Variants in ARHGAP44 observed in about 807,000 individuals in gnomAD.
The protein encoded by ARHGAP44 is Rho GTPase activating protein 44.
ARHGAP44 carries 43 observed loss-of-function variants against 106.8 expected under a neutral mutation model. That is an observed-to-expected ratio of 0.40 (90% CI 0.32 to 0.52). The LOEUF (loss-of-function observed/expected upper bound fraction) is 0.52. ARHGAP44 is among the 20% of genes least tolerant of loss of function. ARHGAP44 has a pLI of 0.48. For missense variants in ARHGAP44, 866 were observed against 1,050.5 expected (o/e 0.82, Z 2.43); for synonymous variants, 439 against 410.3 (o/e 1.07, Z -0.85).
intron 1 of ARHGAP44, among the ~76,000 whole-genome samples, chr17:12,857,525 C>T (rs1473639839): frequency 6.6e-6 from 1 of 152,110 alleles, no homozygotes; most frequent in East Asian, 1.9e-4. Flanking sequence ...CTTATCTAGT[C>T]CTAATTATCT....
chr17:12,809,001 G>A (rs1000012295), intron 1 of ARHGAP44, among the ~76,000 whole-genome samples: 2 of 152,196 alleles, frequency 1.3e-5, no homozygotes, highest in African/African-American at 4.8e-5. Context: ...TCTGTCAGAT[G>A]CACTAAATCA....
intron 1 of ARHGAP44, among the ~76,000 whole-genome samples, chr17:12,805,137 A>G (rs1048334106): frequency 6.6e-6 from 1 of 152,150 alleles, no homozygotes; most frequent in Non-Finnish European, 1.5e-5. Flanking sequence ...GGATCCTAGA[A>G]CTGAGACCTG....
At chr17:12,914,539 A>G (rs1195466743) in intron 4 of ARHGAP44, among the ~76,000 whole-genome samples, 1 of 152,214 alleles carries the variant, frequency 6.6e-6, no homozygotes, top group African/African-American at 2.4e-5. Flanking sequence ...GGCTGCCTGT[A>G]GTCCCAGCAC....
At chr17:12,988,538 G>GC (rs1208478780) in intron 20 of ARHGAP44, 9 of 152,148 alleles carry the variant, frequency 5.9e-5, no homozygotes, top group African/African-American at 1.9e-4. Context: ...CCAGCCCCAC[G>GC]CCCCAAATCT....
intron 1 of ARHGAP44, among the ~76,000 whole-genome samples, chr17:12,876,606 G>A (rs1437403754): frequency 6.6e-6 from 1 of 151,940 alleles, no homozygotes; most frequent in Non-Finnish European, 1.5e-5. Context: ...GGTGGAGATG[G>A]GGAGATGGGT....
At chr17:12,891,643 C>A (rs2150913297) in intron 1 of ARHGAP44, among the ~76,000 whole-genome samples, 1 of 152,310 alleles carries the variant, frequency 6.6e-6, no homozygotes, top group East Asian at 1.9e-4. Flanking sequence ...TTGAGGAACA[C>A]ATCCAAACCA....
intron 19 of ARHGAP44, among the ~76,000 whole-genome samples, chr17:12,983,823 C>A (rs950465346): frequency 5.3e-5 from 8 of 151,848 alleles, no homozygotes; most frequent in African/African-American, 1.9e-4. Context: ...AAAAAAACAA[C>A]AAAAAAACCC....
chr17:12,972,666 T>TA (rs2039557124), intron 16 of ARHGAP44, among the ~76,000 whole-genome samples: 1 of 8,904 alleles, frequency 1.1e-4, no homozygotes, highest in South Asian at 2.4e-3. Context: ...TAAATAAATA[T>TA]TTTTTTTTTT....
chr17:12,969,827 C>T (rs1158423624), intron 16 of ARHGAP44, among the ~76,000 whole-genome samples: 12 of 152,152 alleles, frequency 7.9e-5, no homozygotes, highest in Admixed American at 7.9e-4. Context: ...GATAAACTAT[C>T]TTCATGGAAA....
At chr17:12,973,208 A>G (rs1039075528) in intron 16 of ARHGAP44, 94 bp from the exon 17 acceptor site, 23 of 1,320,236 alleles carry the variant, frequency 1.7e-5, no homozygotes, top group African/African-American at 2.9e-5. Context: ...ACCCTGGACC[A>G]TGGAGAGAGA....
At position 12,949,979 on chromosome 17, in the gene ARHGAP44, C is replaced by G. The variant is rs1342341037; in HGVS notation, c.1055+249C>G. Among the ~76,000 whole-genome samples, 1 of 152,136 alleles carries G rather than the reference C, an allele frequency of 6.6e-6. No homozygotes were observed. Among genetic ancestry groups the G allele is most frequent in the African/African-American group, 2.4e-5 (1 of 41,432 alleles). ...GGGGGTTGGGAAGTGGCTAAGTAAA[C>G]TGTGGAGTGTCTGTACCATCGCACA... On this transcript the variant is annotated intron_variant, in intron 12 of 20. Transcript: ENST00000379672. The surrounding 1 kb of genome is among the most constrained non-coding windows in gnomAD (Gnocchi z 4.1).
chr17:12,986,219 A>T (rs775103994), intron 20 of ARHGAP44: 10 of 152,126 alleles, frequency 6.6e-5, no homozygotes, highest in Non-Finnish European at 1.5e-4. Context: ...AATTAGGCAA[A>T]TTTCTCCCTG....
chr17:12,985,072 A>C, intron 20 of ARHGAP44, 164 bp downstream of exon 20: 1 of 843,500 alleles, frequency 1.2e-6, no homozygotes, highest in Non-Finnish European at 1.8e-6. Flanking sequence ...AAGCCCACCA[A>C]TGGAAAGCAA....
intron 1 of ARHGAP44, among the ~76,000 whole-genome samples, chr17:12,837,400 A>G (rs1567640032): frequency 6.6e-6 from 1 of 152,116 alleles, no homozygotes; most frequent in African/African-American, 2.4e-5. Flanking sequence ...TGCACTTGCT[A>G]TGTACCCACA....
intron 1 of ARHGAP44, among the ~76,000 whole-genome samples, chr17:12,816,463 T>A (rs78467078): frequency 6.6e-6 from 1 of 151,676 alleles, no homozygotes; most frequent in African/African-American, 2.4e-5. Context: ...TTAAATATGA[T>A]AAAAAGGATG....
intron 16 of ARHGAP44, among the ~76,000 whole-genome samples, chr17:12,967,036 T>C (rs2039407355): frequency 2.0e-5 from 3 of 151,852 alleles, no homozygotes; most frequent in Admixed American, 1.3e-4. Flanking sequence ...TTTCTCCTTT[T>C]TTCTCCCCCT....
At chr17:12,941,241 C>A in intron 8 of ARHGAP44, 117 bp downstream of exon 8, 2 of 872,226 alleles carry the variant, frequency 2.3e-6, no homozygotes, top group South Asian at 1.8e-5. Context: ...GAGCTTTGAC[C>A]ATTTTACTAG....
At chr17:12,975,779 C>CAG (rs1298077060) in intron 18 of ARHGAP44, among the ~76,000 whole-genome samples, 14 of 117,760 alleles carry the variant, frequency 1.2e-4, no homozygotes, top group Admixed American at 2.4e-4. Context: ...GCCTGGGTGA[C>CAG]AGCGTGACTC....
chr17:12,879,178 G>T (rs2036642595), intron 1 of ARHGAP44, among the ~76,000 whole-genome samples: 1 of 152,094 alleles, frequency 6.6e-6, no homozygotes, highest in Admixed American at 6.6e-5. Context: ...TTATGCCTTT[G>T]CATCCTCATA....
Sources: gnomAD v4.1 joint callset for allele counts (sites outside exome capture counted in the v4.1 genomes callset) on GRCh38, gnomAD v4.1.1 for gene constraint, Gnocchi (gnomAD v3.1) non-coding constraint, MANE v1.5 for transcripts, NCBI Gene and HGNC (gene_info 2026-07-23, HGNC 2026-07-21) for gene names.